SUPT3H: variants seen among roughly 807,000 people sequenced by gnomAD.
The protein encoded by SUPT3H is SPT3 homolog, SAGA and STAGA complex component, also known as transcription initiation protein SPT3 homolog.
SUPT3H carries 44 observed loss-of-function variants against 44.3 expected under a neutral mutation model. The observed-to-expected ratio is 0.99, with a 90% CI of 0.78 to 1.28. The LOEUF (loss-of-function observed/expected upper bound fraction) is 1.28. SUPT3H is among the 50% of genes most tolerant of loss of function. SUPT3H has a pLI of 0.00. For missense variants in SUPT3H, 380 were observed against 387.1 expected (o/e 0.98, Z 0.15); for synonymous variants, 124 against 125.6 (o/e 0.99, Z 0.09).
chr6:45,266,043 C>T (rs1023990037), intron 2 of SUPT3H, among the ~76,000 whole-genome samples: 9 of 151,964 alleles, frequency 5.9e-5, no homozygotes, highest in Admixed American at 4.6e-4. Flanking sequence ...AGTACCACCA[C>T]GATTTTTTAT....
intron 9 of SUPT3H, among the ~76,000 whole-genome samples, chr6:44,941,950 T>C (rs1027880125): frequency 1.3e-5 from 2 of 152,122 alleles, no homozygotes; most frequent in African/African-American, 4.8e-5. Flanking sequence ...GGAACAATAT[T>C]AATTCTGATG....
At chr6:45,017,074 T>C (rs1226291007) in intron 4 of SUPT3H, among the ~76,000 whole-genome samples, 1 of 151,974 alleles carries the variant, frequency 6.6e-6, no homozygotes, top group Non-Finnish European at 1.5e-5. Flanking sequence ...TGGTTTTGAT[T>C]TGCATTTCTC....
chr6:45,153,417 G>T (rs192751088), intron 2 of SUPT3H, among the ~76,000 whole-genome samples: 12 of 152,278 alleles, frequency 7.9e-5, no homozygotes, highest in Non-Finnish European at 1.5e-4. Flanking sequence ...GTAGATATCA[G>T]AATATATGTC....
At chr6:44,954,691 A>T in intron 7 of SUPT3H, 84 bp from the exon 8 acceptor site, 1 of 761,684 alleles carries the variant, frequency 1.3e-6, no homozygotes, top group Non-Finnish European at 2.2e-6. Context: ...AAATTAAAAA[A>T]GTATACTCAG....
intron 4 of SUPT3H, among the ~76,000 whole-genome samples, chr6:45,020,301 A>C (rs1784933591): frequency 6.6e-6 from 1 of 152,014 alleles, no homozygotes; most frequent in Non-Finnish European, 1.5e-5. Context: ...AAGTGTCTGC[A>C]TAGACGCATA....
At chr6:45,144,942 T>C (rs1252824626) in intron 2 of SUPT3H, among the ~76,000 whole-genome samples, 4 of 151,890 alleles carry the variant, frequency 2.6e-5, no homozygotes, top group Non-Finnish European at 4.4e-5. Context: ...ATAAATAAAA[T>C]ACTTAGGAAT....
rs141562448 is a variant in SUPT3H at position 45,290,330 on chromosome 6, T to G, written c.101+74871A>C. 7.3e-4 allele frequency among the ~76,000 whole-genome samples: 110 copies of G among 151,474 alleles called. No individual in the cohort carries two copies. The East Asian group carries it at 0.019, about 27-fold the overall frequency. On this transcript the variant is annotated intron_variant, in intron 2 of 10. Transcript: ENST00000371459. ...GACTTAACATATAACTACCTTGGAGTTGGTCAATTTAAATTATCTACCAGG... is the reference window on the plus strand; with the variant it reads ...GACTTAACATATAACTACCTTGGAGGTGGTCAATTTAAATTATCTACCAGG...
chr6:45,331,155 G>A (rs2150080620), intron 2 of SUPT3H, among the ~76,000 whole-genome samples: 1 of 151,990 alleles, frequency 6.6e-6, no homozygotes, highest in African/African-American at 2.4e-5. Context: ...GCTAGAGAAA[G>A]AGTATGTCTG....
intron 2 of SUPT3H, among the ~76,000 whole-genome samples, chr6:45,146,955 A>T (rs1253953318): frequency 1.3e-5 from 2 of 152,168 alleles, no homozygotes; most frequent in Non-Finnish European, 2.9e-5. Context: ...ATTAGTTCAT[A>T]ATAATTGAGA....
intron 2 of SUPT3H, among the ~76,000 whole-genome samples, chr6:45,187,717 C>A (rs1814486784): frequency 6.6e-6 from 1 of 152,082 alleles, no homozygotes; most frequent in Admixed American, 6.5e-5. Flanking sequence ...CAATACAGTA[C>A]AAAAAGACCA....
intron 6 of SUPT3H, among the ~76,000 whole-genome samples, chr6:44,973,723 T>G (rs1274371713): frequency 6.6e-6 from 1 of 152,222 alleles, no homozygotes; most frequent in East Asian, 1.9e-4. Context: ...GAAAATGGTT[T>G]AATTGACTCA....
intron 2 of SUPT3H, among the ~76,000 whole-genome samples, chr6:45,363,325 G>A (rs74483478): frequency 0.02 from 3,091 of 152,082 alleles, 43 homozygotes; most frequent in Non-Finnish European, 0.032. Context: ...CAAGTATATT[G>A]TTTTAATAAA....
intron 2 of SUPT3H, among the ~76,000 whole-genome samples, chr6:45,108,450 T>C (rs1465027023): frequency 6.6e-6 from 1 of 152,242 alleles, no homozygotes; most frequent in Non-Finnish European, 1.5e-5. Flanking sequence ...TATGTATGTG[T>C]GTATCTCCTT....
intron 4 of SUPT3H, among the ~76,000 whole-genome samples, chr6:45,016,340 A>G (rs1243902343): frequency 2.0e-5 from 3 of 151,506 alleles, no homozygotes; most frequent in Admixed American, 1.3e-4. Flanking sequence ...TTTTTTATTT[A>G]TTTTTTTATT....
chr6:45,317,781 A>G (rs1784925066), intron 2 of SUPT3H, among the ~76,000 whole-genome samples: 1 of 152,198 alleles, frequency 6.6e-6, no homozygotes, highest in Admixed American at 6.6e-5. Context: ...TGGTTTGGAT[A>G]ATAATGTTTT....
intron 2 of SUPT3H, among the ~76,000 whole-genome samples, chr6:45,180,562 C>T (rs1369212304): frequency 8.0e-5 from 12 of 149,924 alleles, no homozygotes; most frequent in South Asian, 2.1e-4. Flanking sequence ...GAAATAACAC[C>T]GCATATCTAC....
intron 2 of SUPT3H, among the ~76,000 whole-genome samples, chr6:45,302,932 G>A (rs1371500705): frequency 1.3e-5 from 2 of 151,978 alleles, no homozygotes; most frequent in Non-Finnish European, 2.9e-5. Context: ...ATAGGCACAG[G>A]ACCAATGGAA....
chr6:45,057,312 T>C (rs146236585), intron 3 of SUPT3H, among the ~76,000 whole-genome samples: 2,815 of 152,186 alleles, frequency 0.018, 89 homozygotes, highest in African/African-American at 0.063. Context: ...TTTATATCAG[T>C]CTTTTATCTC....
rs762674506 is a variant in SUPT3H at position 45,195,670 on chromosome 6, T to C, written c.102-89664A>G. On this transcript the variant is annotated intron_variant, in intron 2 of 10. Transcript: ENST00000371459. ...ATTGTTTTTGACTTAGTAGTTTCAA[T>C]AGATTTAAATGCAATGAAGAATTGC... Among the ~76,000 whole-genome samples the C allele has an allele frequency of 5.9e-5, 9 of 152,318 alleles. No homozygotes were observed. The South Asian group carries it at 6.2e-4, about 11-fold the overall frequency.
Sources: gnomAD v4.1 joint callset for allele counts (sites outside exome capture counted in the v4.1 genomes callset) on GRCh38, gnomAD v4.1.1 for gene constraint, MANE v1.5 for transcripts, NCBI Gene and HGNC (gene_info 2026-07-23, HGNC 2026-07-21) for gene names.